Variants in PLEKHA4 observed in about 807,000 individuals in gnomAD.
PLEKHA4 encodes the protein pleckstrin homology domain-containing family A member 4.
A neutral mutation model predicts 94.7 loss-of-function variants in PLEKHA4; 73 were observed. The ratio of observed to expected loss-of-function variants is 0.77; its 90% CI spans 0.64 to 0.94. The LOEUF (loss-of-function observed/expected upper bound fraction) is 0.94. Ranked by LOEUF, PLEKHA4 falls within the 40% of genes least tolerant of loss-of-function variation. The pLI is 0.00. For missense variants in PLEKHA4, 1,049 were observed against 1,054.1 expected (o/e 1.00, Z 0.07); for synonymous variants, 449 against 437.1 (o/e 1.03, Z -0.34).
intron 9 of PLEKHA4, among the ~76,000 whole-genome samples, chr19:48,855,682 G>C (rs1599904477): frequency 6.6e-6 from 1 of 152,074 alleles, no homozygotes; most frequent in East Asian, 1.9e-4. Flanking sequence ...TCAGCTACTA[G>C]GGAGGCTGAG....
chr19:48,838,354 C>A, intron 18 of PLEKHA4: 1 of 328,546 alleles, frequency 3.0e-6, no homozygotes, highest in Non-Finnish European at 5.6e-6. Context: ...GATGGATACC[C>A]TATTCCCGAT....
chr19:48,865,743 A>G (rs1254990394), intron 2 of PLEKHA4, 133 bp from the exon 3 acceptor site: 4 of 601,426 alleles, frequency 6.7e-6, no homozygotes, highest in Non-Finnish European at 9.0e-6. Flanking sequence ...AGCCGGGCGC[A>G]GTGGCTCACA....
intron 8 of PLEKHA4, among the ~76,000 whole-genome samples, 176 bp downstream of exon 8, chr19:48,858,684 C>A (rs2036519003): frequency 6.7e-6 from 1 of 149,152 alleles, no homozygotes; most frequent in African/African-American, 2.6e-5. Flanking sequence ...AGCCCAGACA[C>A]CTGAGAGGAG....
intron 17 of PLEKHA4, among the ~76,000 whole-genome samples, chr19:48,839,621 A>G (rs1029722861): frequency 1.3e-5 from 2 of 151,762 alleles, no homozygotes; most frequent in Non-Finnish European, 1.5e-5. Flanking sequence ...GAGTCTTGCT[A>G]TGTTGCCCAG....
intron 18 of PLEKHA4, among the ~76,000 whole-genome samples, chr19:48,838,716 G>A (rs1599859315): frequency 6.8e-6 from 1 of 147,446 alleles, no homozygotes; most frequent in African/African-American, 2.5e-5. Flanking sequence ...GCAGTGAACT[G>A]AGATCACGCC....
intron 5 of PLEKHA4, among the ~76,000 whole-genome samples, chr19:48,860,878 G>A (rs1020033527): frequency 6.8e-6 from 1 of 147,374 alleles, no homozygotes; most frequent in Non-Finnish European, 1.5e-5. Flanking sequence ...AAAGGAAAAA[G>A]GAAAGGAAAG....
intron 3 of PLEKHA4, among the ~76,000 whole-genome samples, chr19:48,862,450 C>T (rs1357661073): frequency 6.6e-6 from 1 of 152,000 alleles, no homozygotes; most frequent in Non-Finnish European, 1.5e-5. Context: ...ATCTACCCAC[C>T]TCGGCCTCCC....
chr19:48,837,168 C>A lies in PLEKHA4; in HGVS notation c.*121G>T. The A allele has an allele frequency of 2.8e-6, 4 of 1,428,914 alleles. No individual in the cohort carries two copies. The highest frequency in any genetic ancestry group is 3.9e-6 in the Non-Finnish European group (4 of 1,028,448). 88.5% of individuals were successfully genotyped at this position (1,428,914 alleles called of 1,614,324 possible). ...CAAACTTTGGCCATAGAAACCATTCCCCTCCCGGGCCCGCAATGGGGACCA... is the reference window on the plus strand; with the variant it reads ...CAAACTTTGGCCATAGAAACCATTCACCTCCCGGGCCCGCAATGGGGACCA... On this transcript the variant is annotated 3_prime_UTR_variant, in exon 20 of 20. Coordinates refer to ENST00000263265, the MANE Select transcript of PLEKHA4 (RefSeq NM_020904.3). This position sits in a 1 kb window ranked among gnomAD's most constrained non-coding sequence, Gnocchi z 4.3.
chr19:48,838,043 G>A lies in PLEKHA4; in HGVS notation c.2051C>T (p.Ala684Val). Reference sequence around the variant, plus strand: ...TGTCATCATTCTGTGCCACTGCGACGCCTCAGTAGCCAGGGCTTGGGAGAG... The same window carrying A: ...TGTCATCATTCTGTGCCACTGCGACACCTCAGTAGCCAGGGCTTGGGAGAG... ...LSLSQALATE[A>V]SQWHRMMTGG... The change falls in exon 19 of 20, where the codon GCG becomes GTG. Residue 684 changes from alanine to valine, a missense_variant. Ala to Val is a moderately conservative substitution (Grantham distance 64). Coordinates refer to ENST00000263265, the MANE Select transcript of PLEKHA4 (RefSeq NM_020904.3). The A allele has an allele frequency of 1.2e-6, 2 of 1,613,534 alleles. No individual in the cohort carries two copies. Among genetic ancestry groups the A allele is most frequent in the African/African-American group, 2.7e-5 (2 of 74,932 alleles).
At chr19:48,844,080 C>T (rs1167842811) in intron 16 of PLEKHA4, among the ~76,000 whole-genome samples, 2 of 151,502 alleles carry the variant, frequency 1.3e-5, no homozygotes, top group Non-Finnish European at 2.9e-5. Flanking sequence ...GGATTACAGG[C>T]ATGAGCCAAT....
chr19:48,849,779 A>G (rs1021189710), intron 13 of PLEKHA4, among the ~76,000 whole-genome samples: 9 of 152,328 alleles, frequency 5.9e-5, no homozygotes, highest in Middle Eastern at 6.8e-3. Flanking sequence ...AAAAGTCAGG[A>G]TGCAGGATGC....
chr19:48,847,315 G>A (rs1289064980), intron 14 of PLEKHA4, among the ~76,000 whole-genome samples: 1 of 152,006 alleles, frequency 6.6e-6, no homozygotes, highest in East Asian at 1.9e-4. Context: ...ACGAGCCTGC[G>A]GTCCCAGCTA....
At chr19:48,839,431 ATTTAT>A (rs771359859) in intron 17 of PLEKHA4, among the ~76,000 whole-genome samples, 168 bp from the exon 18 acceptor site, 5 of 152,084 alleles carry the variant, frequency 3.3e-5, no homozygotes, top group Non-Finnish European at 7.4e-5. Context: ...TTAAAAATTA[ATTTAT>A]TTTATTTATT....
intron 13 of PLEKHA4, among the ~76,000 whole-genome samples, chr19:48,850,498 G>A (rs1259788425): frequency 6.6e-6 from 1 of 151,466 alleles, no homozygotes; most frequent in African/African-American, 2.4e-5. Flanking sequence ...GCAAGACTAT[G>A]TCTCACACAC....
chr19:48,856,898 C>CAAAAAAAAAA lies in PLEKHA4; in HGVS notation c.1047+514_1047+523dup, dbSNP rs1315657736. 1.4e-3 allele frequency among the ~76,000 whole-genome samples: 49 copies of CAAAAAAAAAA among 35,162 alleles called. 1 individual carries two copies. The highest frequency in any genetic ancestry group is 3.6e-3 in the African/African-American group (22 of 6,100). 23.1% of individuals were successfully genotyped at this position (35,162 alleles called of 152,430 possible). On this transcript the variant is annotated intron_variant, in intron 9 of 19. Transcript: ENST00000263265. The stretch of plus-strand genomic sequence containing the variant: ...TGGGCGACAGAGAGAGACCCCGTCT[C>CAAAAAAAAAA]AAAAAAAAAAAAAAAAAAGAAAGAA...
chr19:48,848,063 T>C, intron 13 of PLEKHA4, 23 bp from the exon 14 acceptor site: 1 of 1,611,892 alleles, frequency 6.2e-7, no homozygotes. Flanking sequence ...AAGGAATTTG[T>C]TACTTAAAGG....
chr19:48,859,526 G>C lies in PLEKHA4; in HGVS notation c.635C>G (p.Pro212Arg), dbSNP rs2036555646. ...AGAGTGGAGGTCGGTTGTGGGGCTGGGAGTGAGCAGCCTGGGTCTACCACG... is the reference window on the plus strand; with the variant it reads ...AGAGTGGAGGTCGGTTGTGGGGCTGCGAGTGAGCAGCCTGGGTCTACCACG... ...RGRGRPRLLT[P>R]SPTTDLHSGL... The change falls in exon 7 of 20, where the codon CCC becomes CGC. Residue 212 changes from proline (P) to arginine (R), a missense_variant. Coordinates refer to ENST00000263265, the MANE Select transcript of PLEKHA4 (RefSeq NM_020904.3). 6.2e-7 allele frequency: 1 copy of C among 1,613,996 alleles called. No homozygotes were observed. The highest frequency in any genetic ancestry group is 8.5e-7 in the Non-Finnish European group (1 of 1,180,018).
chr19:48,842,278 G>A (rs1260101998), intron 16 of PLEKHA4, among the ~76,000 whole-genome samples: 2 of 151,756 alleles, frequency 1.3e-5, no homozygotes, highest in Admixed American at 1.3e-4. Flanking sequence ...CAAGTAGCTG[G>A]GATTGAGTAG....
At chr19:48,840,758 G>A (rs973131517) in intron 17 of PLEKHA4, among the ~76,000 whole-genome samples, 4 of 152,130 alleles carry the variant, frequency 2.6e-5, no homozygotes, top group Non-Finnish European at 5.9e-5. Context: ...AAACCATCCT[G>A]AGATATCTGA....
Sources: allele counts gnomAD v4.1 joint callset (sites outside exome capture counted in the v4.1 genomes callset), GRCh38; gene constraint gnomAD v4.1.1; non-coding constraint Gnocchi (gnomAD v3.1); transcripts MANE v1.5; gene names NCBI Gene and HGNC (gene_info 2026-07-23, HGNC 2026-07-21).